Variants in SEPTIN9 observed in about 807,000 individuals in gnomAD.
The protein encoded by SEPTIN9 is septin-9.
Under a neutral mutation model 56.6 loss-of-function variants are expected in SEPTIN9, and 13 were observed. That is an observed-to-expected ratio of 0.23 (90% CI 0.15 to 0.37). SEPTIN9 has a LOEUF of 0.37. Ranked by LOEUF, SEPTIN9 falls within the 10% of genes least tolerant of loss-of-function variation. The probability of loss-of-function intolerance (pLI) is 1.00; values close to 1 mark genes in which losing one functional copy is unlikely to be tolerated. For missense variants in SEPTIN9, 650 were observed against 823.1 expected, an observed-to-expected ratio of 0.79 and a Z score of 2.57; for synonymous variants, 332 against 334.1, an observed-to-expected ratio of 0.99 and a Z score of 0.07.
rs537707242 is a variant in SEPTIN9, at chr17:77,411,476, C to A, written c.721+8773C>A. On this transcript the variant is annotated intron_variant, in intron 3 of 11. Coordinates refer to ENST00000427177, the MANE Select transcript of SEPTIN9 (RefSeq NM_001113491.2). ...CTCAGCTCACTGTGGCTCACTGTAA[C>A]CTCCACCTTTCGCCTTCCGCTTTCA... 1.1e-4 allele frequency among the ~76,000 whole-genome samples: 16 copies of A among 151,508 alleles called. No individual in the cohort carries two copies. The East Asian group carries it at 2.5e-3, about 24-fold the overall frequency.
In SEPTIN9 at chr17:77,329,834, TC is replaced by T. The variant is rs2033280593; in HGVS notation, c.76+22640del. Among the ~76,000 whole-genome samples, 1 of 152,158 alleles carries T rather than the reference TC, an allele frequency of 6.6e-6. No individual in the cohort carries two copies. The highest frequency in any genetic ancestry group is 2.1e-4 in the South Asian group (1 of 4,830). On this transcript the variant is annotated intron_variant, in intron 2 of 11. Transcript: ENST00000427177. The surrounding 1 kb of genome is among the most constrained non-coding windows in gnomAD (Gnocchi z 4.3). ...GAGCTGGGGTGAGGCAGAACCTCCC[TC>T]CCATATTTACAGCACCAGCCAAGGC...
At position 77,307,635 on chromosome 17, in the gene SEPTIN9, G is replaced by A. The variant is rs139307050; in HGVS notation, c.76+438G>A. Among the ~76,000 whole-genome samples the A allele has an allele frequency of 1.1e-4, 16 of 152,264 alleles. No individual in the cohort carries two copies. In the East Asian group the frequency reaches 2.3e-3, roughly 22 times the overall value. On this transcript the variant is annotated intron_variant, in intron 2 of 11. Coordinates refer to ENST00000427177, the MANE Select transcript of SEPTIN9 (RefSeq NM_001113491.2). Reference sequence around the variant, plus strand: ...AGATGCTCCAGGATAGAGCAGATACGTCCGGTGTTATCTAGGAGGAAATAA... The same window carrying A: ...AGATGCTCCAGGATAGAGCAGATACATCCGGTGTTATCTAGGAGGAAATAA...
rs890078600 is a variant in SEPTIN9 at position 77,369,361 on chromosome 17, T to C, written c.77-32698T>C. On this transcript the variant is annotated intron_variant, in intron 2 of 11. Transcript: ENST00000427177. The surrounding 1 kb of genome is among the most constrained non-coding windows in gnomAD (Gnocchi z 4.9). ...GCCCCAGGTGGCCGGTTGTTGACCGTTAACTGGCACACTACTGGAGGAGGG... is the reference window on the plus strand; with the variant it reads ...GCCCCAGGTGGCCGGTTGTTGACCGCTAACTGGCACACTACTGGAGGAGGG... Among the ~76,000 whole-genome samples the C allele has an allele frequency of 6.6e-6, 1 of 152,126 alleles. No homozygotes were observed. The highest frequency in any genetic ancestry group is 2.4e-5 in the African/African-American group (1 of 41,412).
At position 77,381,022 on chromosome 17, in the gene SEPTIN9, C is replaced by T. The variant is rs761398511; in HGVS notation, c.77-21037C>T. On this transcript the variant is annotated intron_variant, in intron 2 of 11. Coordinates refer to ENST00000427177, the MANE Select transcript of SEPTIN9 (RefSeq NM_001113491.2). The stretch of plus-strand genomic sequence containing the variant: ...TCTGATTCTGTGCCTGGTTTCGCAG[C>T]CTCCAACCCATAGCCAGTGGCATGA... 3.2e-4 allele frequency among the ~76,000 whole-genome samples: 48 copies of T among 152,194 alleles called. 1 individual carries two copies. Among genetic ancestry groups the T allele is most frequent in the Admixed American group, 3.0e-3 (46 of 15,290 alleles).
chr17:77,321,549 G>A (rs559893337), intron 2 of SEPTIN9, among the ~76,000 whole-genome samples: 63 of 152,092 alleles, frequency 4.1e-4, no homozygotes, highest in Non-Finnish European at 7.2e-4. Context: ...ATAGGCGCCC[G>A]CCATATTTTT....
chr17:77,320,508 C>T (rs1410484678), intron 2 of SEPTIN9, among the ~76,000 whole-genome samples: 3 of 152,212 alleles, frequency 2.0e-5, no homozygotes, highest in African/African-American at 7.2e-5. Context: ...GGATGAACTC[C>T]GTCTCAGAAG....
chr17:77,415,396 C>A (rs1158525781), intron 3 of SEPTIN9, among the ~76,000 whole-genome samples: 2 of 152,162 alleles, frequency 1.3e-5, no homozygotes, highest in African/African-American at 4.8e-5. Context: ...CACCTGAGGT[C>A]AGGAGTTCGA....
chr17:77,475,633 C>G lies in SEPTIN9; in HGVS notation c.722-6511C>G. ...AGAGGGAGGGCAGCTGGAGGCTGCT[C>G]CAGTGTGCATTGTTACGAGGCAAAG... On this transcript the variant is annotated intron_variant, in intron 3 of 11. Coordinates refer to ENST00000427177, the MANE Select transcript of SEPTIN9 (RefSeq NM_001113491.2). The surrounding 1 kb of genome is among the most constrained non-coding windows in gnomAD (Gnocchi z 4.6). 1 of 1,613,724 alleles carries G rather than the reference C, an allele frequency of 6.2e-7. No individual in the cohort carries two copies. The highest frequency in any genetic ancestry group is 8.5e-7 in the Non-Finnish European group (1 of 1,179,856).
At chr17:77,352,241 CA>C (rs57045175) in intron 2 of SEPTIN9, among the ~76,000 whole-genome samples, 77,537 of 136,580 alleles carry the variant, frequency 0.57, 21,080 homozygotes, top group African/African-American at 0.61. Flanking sequence ...ACTAAAAATA[CA>C]AAAAAAAAAA....
In SEPTIN9 at chr17:77,475,194, C is replaced by T. The variant is rs535910497; in HGVS notation, c.722-6950C>T. Reference sequence around the variant, plus strand: ...TGGATGAGGTGTCTGGCTTCACAAACCCTGTGTGGGGGGGTTGTGGTGAGA... The same window carrying T: ...TGGATGAGGTGTCTGGCTTCACAAATCCTGTGTGGGGGGGTTGTGGTGAGA... On this transcript the variant is annotated intron_variant, in intron 3 of 11. Transcript: ENST00000427177. This position sits in a 1 kb window ranked among gnomAD's most constrained non-coding sequence, Gnocchi z 4.6. The T allele has an allele frequency of 5.0e-6, 6 of 1,205,648 alleles. No individual in the cohort carries two copies. In the African/African-American group the frequency reaches 6.1e-5, roughly 12 times the overall value. The allele number at this position is 1,205,648 out of a possible 1,614,324, so 74.7% of individuals were successfully genotyped here.
At chr17:77,355,862 G>C (rs1197333250) in intron 2 of SEPTIN9, among the ~76,000 whole-genome samples, 1 of 150,658 alleles carries the variant, frequency 6.6e-6, no homozygotes, top group Non-Finnish European at 1.5e-5. Context: ...GGTGCCTGTA[G>C]TCCCAGCTAC....
At chr17:77,332,023 C>T (rs2033384533) in intron 2 of SEPTIN9, among the ~76,000 whole-genome samples, 1 of 152,100 alleles carries the variant, frequency 6.6e-6, no homozygotes, top group South Asian at 2.1e-4. Flanking sequence ...TGACTGTAAT[C>T]CCAGCACTTT....
chr17:77,311,892 G>C (rs1178389137), intron 2 of SEPTIN9, among the ~76,000 whole-genome samples: 1 of 151,900 alleles, frequency 6.6e-6, no homozygotes, highest in Non-Finnish European at 1.5e-5. Flanking sequence ...GGCACCCCTA[G>C]TTCATTACTT....
rs749430919 is a variant in SEPTIN9, at chr17:77,487,539, G to A, written c.1029G>A (p.Lys343=). ...GCATCCCCAAGACCATCGAGATCAA[G>A]TCCATCACGCACGGTCAGTGGCCGG... ...EERIPKTIEI[K]SITHDIEEKG... is the part of the protein sequence containing the mutation. The change falls in exon 5 of 12, where the codon AAG becomes AAA. Residue 343 remains lysine (K), a synonymous_variant. Transcript: ENST00000427177. The surrounding 1 kb of genome is among the most constrained non-coding windows in gnomAD (Gnocchi z 4.3). The A allele has an allele frequency of 4.0e-5, 65 of 1,613,392 alleles. No individual in the cohort carries two copies. Among genetic ancestry groups the A allele is most frequent in the Non-Finnish European group, 5.2e-5 (61 of 1,179,860 alleles).
intron 2 of SEPTIN9, among the ~76,000 whole-genome samples, chr17:77,366,403 GAAAACATGAGCTATCATGTCTGGGT>G (rs1254539296): frequency 6.6e-6 from 1 of 152,212 alleles, no homozygotes; most frequent in Non-Finnish European, 1.5e-5. Flanking sequence ...GGATCAGGAA[GAAAACATGAGCTATCATGTCTGGGT>G]TATACCTCAG....
chr17:77,392,641 G>C (rs564496524), intron 2 of SEPTIN9, among the ~76,000 whole-genome samples: 1 of 152,146 alleles, frequency 6.6e-6, no homozygotes, highest in African/African-American at 2.4e-5. Flanking sequence ...GAAGGCAGAG[G>C]GGGAGGGGAC....
intron 1 of SEPTIN9, chr17:77,288,357 A>C: frequency 2.8e-6 from 1 of 356,010 alleles, no homozygotes; most frequent in Non-Finnish European, 4.1e-6. Flanking sequence ...ATGTCCCTGA[A>C]TGCCATGCCT....
chr17:77,290,569 T>C (rs973549010), intron 1 of SEPTIN9, among the ~76,000 whole-genome samples: 2 of 151,688 alleles, frequency 1.3e-5, no homozygotes, highest in African/African-American at 4.8e-5. Context: ...GGCTCACACC[T>C]GTAATCCCAG....
chr17:77,343,786 C>T (rs531938932), intron 2 of SEPTIN9, among the ~76,000 whole-genome samples: 17 of 152,196 alleles, frequency 1.1e-4, no homozygotes, highest in East Asian at 3.9e-4. Flanking sequence ...GCTTGGGGGT[C>T]GGCGGGAGGA....
Sources: allele counts gnomAD v4.1 joint callset (sites outside exome capture counted in the v4.1 genomes callset), GRCh38; gene constraint gnomAD v4.1.1; non-coding constraint Gnocchi (gnomAD v3.1); transcripts MANE v1.5; gene names NCBI Gene and HGNC (gene_info 2026-07-23, HGNC 2026-07-21).